ARHGEF7: variants seen among roughly 807,000 people sequenced by gnomAD.
ARHGEF7 encodes Rho guanine nucleotide exchange factor 7.
ARHGEF7 carries 33 observed loss-of-function variants against 109.8 expected under a neutral mutation model. The observed-to-expected ratio is 0.30, with a 90% confidence interval of 0.23 to 0.40. The LOEUF is 0.40. Among genes scored for constraint, ARHGEF7 ranks in the 10% least tolerant of loss-of-function variants. The probability of loss-of-function intolerance (pLI) is 1.00; values close to 1 mark genes in which losing one functional copy is unlikely to be tolerated. For missense variants in ARHGEF7, 938 were observed against 1,098.5 expected (o/e 0.85, Z 2.07); for synonymous variants, 458 against 424.6 (o/e 1.08, Z -0.97).
intron 1 of ARHGEF7, among the ~76,000 whole-genome samples, chr13:111,148,931 C>A (rs1050100262): frequency 6.6e-6 from 1 of 152,164 alleles, no homozygotes; most frequent in African/African-American, 2.4e-5. Flanking sequence ...TAAGATATAT[C>A]ATGACAAATC....
At chr13:111,195,880 T>C (rs918330091) in intron 2 of ARHGEF7, among the ~76,000 whole-genome samples, 1 of 152,204 alleles carries the variant, frequency 6.6e-6, no homozygotes, top group Non-Finnish European at 1.5e-5. Context: ...GCTGCTGCCT[T>C]TCTCTGATCT....
chr13:111,186,170 G>T (rs1411896969), intron 2 of ARHGEF7, among the ~76,000 whole-genome samples: 1 of 152,100 alleles, frequency 6.6e-6, no homozygotes, highest in Admixed American at 6.5e-5. Flanking sequence ...CGCCCGGTCT[G>T]CAGAAGGCAG....
intron 1 of ARHGEF7, among the ~76,000 whole-genome samples, chr13:111,115,999 G>A (rs1207757628): frequency 6.6e-6 from 1 of 151,562 alleles, no homozygotes. Flanking sequence ...ACGCTAAGTT[G>A]CCCCTCCGCG....
intron 3 of ARHGEF7, 117 bp from the exon 4 acceptor site, chr13:111,209,755 T>C (rs1594750596): frequency 8.4e-7 from 1 of 1,189,014 alleles, no homozygotes; most frequent in Non-Finnish European, 1.2e-6. Flanking sequence ...GGCTGCTTTG[T>C]TGTGGTCTTT....
chr13:111,283,411 T>C, intron 16 of ARHGEF7, 48 bp downstream of exon 16: 1 of 1,527,082 alleles, frequency 6.5e-7, no homozygotes, highest in Non-Finnish European at 8.8e-7. Flanking sequence ...TGAGCATGCC[T>C]CGGGCCCTGG....
rs566988194 is a variant in ARHGEF7, at chr13:111,191,269, G to A, written c.253-14020G>A. Among the ~76,000 whole-genome samples the A allele has an allele frequency of 4.6e-5, 7 of 152,280 alleles. No homozygotes were observed. In the East Asian group the frequency reaches 1.4e-3, roughly 29 times the overall value. On this transcript the variant is annotated intron_variant, in intron 2 of 21. Transcript: ENST00000646102. ...GTTGTGAGGTGTAATTACACTGATG[G>A]GGTGGTAGGTGCCCCAGGGGCAGGC...
At chr13:111,293,747 C>G (rs1307712227) in intron 19 of ARHGEF7, 1 of 985,250 alleles carries the variant, frequency 1.0e-6, no homozygotes, top group African/African-American at 1.7e-5. Context: ...GGCTGTAATT[C>G]CAGGTGGCCG....
chr13:111,206,237 G>C (rs72653510), intron 3 of ARHGEF7, among the ~76,000 whole-genome samples: 14 of 151,844 alleles, frequency 9.2e-5, no homozygotes, highest in South Asian at 2.1e-4. Context: ...CTTCAGAGGG[G>C]GGGGTGTACT....
At chr13:111,178,561 G>A (rs2078396673) in intron 2 of ARHGEF7, among the ~76,000 whole-genome samples, 1 of 152,210 alleles carries the variant, frequency 6.6e-6, no homozygotes, top group African/African-American at 2.4e-5. Context: ...GTATGCGAGT[G>A]TTTTTAAAAA....
intron 21 of ARHGEF7, 53 bp downstream of exon 21, chr13:111,301,585 G>T: frequency 1.4e-6 from 2 of 1,456,528 alleles, no homozygotes; most frequent in South Asian, 2.3e-5. Context: ...TGGGAGAAAA[G>T]AAGAAAATTA....
chr13:111,160,431 T>C (rs1046979108), intron 2 of ARHGEF7, among the ~76,000 whole-genome samples: 4 of 152,160 alleles, frequency 2.6e-5, no homozygotes, highest in African/African-American at 9.7e-5. Flanking sequence ...ATTGAATCTG[T>C]GGATCACCTT....
At position 111,303,082 on chromosome 13, in the gene ARHGEF7, A is replaced by G. The variant is rs779977887; in HGVS notation, c.2558A>G (p.Asn853Ser). The G allele has an allele frequency of 1.2e-6, 2 of 1,613,802 alleles. No homozygotes were observed. The highest frequency in any genetic ancestry group is 1.7e-5 in the Admixed American group (1 of 60,000). Residue 853 changes from asparagine (N) to serine (S), a missense_variant, in exon 22 of 22, where the codon AAT (asparagine) becomes AGT (serine). By Grantham distance (46) the Asn-to-Ser change is conservative. Around this residue, in one of 4 missense-constraint regions of ARHGEF7, gnomAD observed 166 missense variants for 167.3 expected, o/e 0.99. Coordinates refer to ENST00000646102, the MANE Select transcript of ARHGEF7 (RefSeq NM_001354046.2). The stretch of plus-strand genomic sequence containing the variant: ...GTGAGGAAAGTCCTGAAGAACATGA[A>G]TGATCCTGCCTGGGATGAGACCAAT... ...KLVRKVLKNM[N>S]DPAWDETNL
intron 6 of ARHGEF7, among the ~76,000 whole-genome samples, chr13:111,234,668 T>G (rs1275279439): frequency 6.6e-6 from 1 of 152,220 alleles, no homozygotes; most frequent in Non-Finnish European, 1.5e-5. Context: ...TTTCCTTGTA[T>G]TTGGTCAACT....
At chr13:111,158,701 T>C (rs918573811) in intron 2 of ARHGEF7, among the ~76,000 whole-genome samples, 3 of 152,226 alleles carry the variant, frequency 2.0e-5, no homozygotes, top group Admixed American at 6.5e-5. Flanking sequence ...GCTTGCCTCA[T>C]ATCCAGTTTC....
At chr13:111,199,482 C>T (rs1180439608) in intron 2 of ARHGEF7, among the ~76,000 whole-genome samples, 1 of 152,162 alleles carries the variant, frequency 6.6e-6, no homozygotes, top group African/African-American at 2.4e-5. Flanking sequence ...ACTATAAGCT[C>T]CCTGATGTTG....
At chr13:111,277,809 AC>A in intron 13 of ARHGEF7, 136 bp downstream of exon 13, 1 of 590,336 alleles carries the variant, frequency 1.7e-6, no homozygotes, top group Non-Finnish European at 3.0e-6. Flanking sequence ...TCAGATATGG[AC>A]GTACAGCTCC....
chr13:111,133,921 T>C (rs2074953470), intron 1 of ARHGEF7, among the ~76,000 whole-genome samples: 2 of 150,934 alleles, frequency 1.3e-5, no homozygotes, highest in African/African-American at 4.9e-5. Flanking sequence ...TCATTTACAT[T>C]AGGTATATCT....
chr13:111,283,697 C>T (rs1046435514), intron 16 of ARHGEF7, among the ~76,000 whole-genome samples: 1 of 152,214 alleles, frequency 6.6e-6, no homozygotes, highest in Non-Finnish European at 1.5e-5. Context: ...GTGAGGCCAT[C>T]GCTCAGCATC....
intron 1 of ARHGEF7, among the ~76,000 whole-genome samples, chr13:111,147,344 A>C (rs1359466304): frequency 6.6e-6 from 1 of 152,212 alleles, no homozygotes; most frequent in African/African-American, 2.4e-5. Flanking sequence ...CATCCTTGCC[A>C]ACACTTGATA....
Sources: gnomAD v4.1 joint callset for allele counts (sites outside exome capture counted in the v4.1 genomes callset) on GRCh38, gnomAD v4.1.1 for gene constraint, gnomAD v4.1.1 regional missense constraint, MANE v1.5 for transcripts, NCBI Gene and HGNC (gene_info 2026-07-23, HGNC 2026-07-21) for gene names.